Variants in MTMR7 observed in about 807,000 individuals in gnomAD.
MTMR7 encodes phosphatidylinositol-3-phosphate phosphatase MTMR7.
MTMR7 carries 76 observed loss-of-function variants against 81.2 expected under a neutral mutation model. The observed-to-expected ratio is 0.94, with a 90% CI of 0.78 to 1.13. MTMR7 has a LOEUF of 1.13. Among genes scored for constraint, MTMR7 ranks in the 50% most tolerant of loss-of-function variants. The pLI is 0.00. For synonymous variants in MTMR7, 372 were observed against 289.8 expected (o/e 1.28, Z -2.88); for missense variants, 1,044 against 820.0 (o/e 1.27, Z -3.34).
chr8:17,354,057 C>G (rs1189426863), intron 4 of MTMR7, among the ~76,000 whole-genome samples: 1 of 152,196 alleles, frequency 6.6e-6, no homozygotes, highest in Non-Finnish European at 1.5e-5. Context: ...TACTAGCCAT[C>G]TAAGATGCAA....
intron 11 of MTMR7, 96 bp downstream of exon 11, chr8:17,305,661 G>A: frequency 1.8e-6 from 2 of 1,101,496 alleles, no homozygotes; most frequent in Non-Finnish European, 2.6e-6. Flanking sequence ...GTGACTAAAT[G>A]AAAAAAGTCT....
chr8:17,310,710 C>T (rs984945623), intron 9 of MTMR7, among the ~76,000 whole-genome samples: 1 of 152,194 alleles, frequency 6.6e-6, no homozygotes, highest in African/African-American at 2.4e-5. Context: ...CCTCTTCGCT[C>T]TTGTCCGAGG....
intron 1 of MTMR7, among the ~76,000 whole-genome samples, chr8:17,399,165 T>C (rs960191863): frequency 6.6e-6 from 1 of 151,832 alleles, no homozygotes. Context: ...ATAAAGAGCA[T>C]CCAAACTGGA....
At chr8:17,410,167 T>C (rs567482687) in intron 1 of MTMR7, among the ~76,000 whole-genome samples, 1 of 152,076 alleles carries the variant, frequency 6.6e-6, no homozygotes, top group Non-Finnish European at 1.5e-5. Flanking sequence ...AGGAGACCAG[T>C]CAGGGTCAGA....
At chr8:17,409,192 C>T (rs1448756939) in intron 1 of MTMR7, among the ~76,000 whole-genome samples, 3 of 152,128 alleles carry the variant, frequency 2.0e-5, no homozygotes, top group African/African-American at 7.2e-5. Flanking sequence ...GGCACAGTGG[C>T]TCAAACCTGC....
At chr8:17,304,144 A>T (rs2150467128) in intron 12 of MTMR7, among the ~76,000 whole-genome samples, 1 of 152,306 alleles carries the variant, frequency 6.6e-6, no homozygotes, top group South Asian at 2.1e-4. Flanking sequence ...TTTTTATGAT[A>T]TCATTATTAT....
At position 17,401,767 on chromosome 8, in the gene MTMR7, T is replaced by C. The variant is rs142925101; in HGVS notation, c.24+11502A>G. ...GCACTGGAAGGGTGAAATGCCAAGA[T>C]TGGAAAGAGCACAAGAGGAGAAAAT... On this transcript the variant is annotated intron_variant, in intron 1 of 13. Coordinates refer to ENST00000180173, the MANE Select transcript of MTMR7 (RefSeq NM_004686.5). Among the ~76,000 whole-genome samples the C allele has an allele frequency of 8.4e-3, 1,273 of 152,118 alleles. 14 individuals carry two copies. The highest frequency in any genetic ancestry group is 0.03 in the African/African-American group (1,233 of 41,494).
chr8:17,356,960 T>C (rs1430280787), intron 4 of MTMR7, among the ~76,000 whole-genome samples: 4 of 152,028 alleles, frequency 2.6e-5, no homozygotes, highest in African/African-American at 9.7e-5. Context: ...ATCTATATAC[T>C]CTCTAGCTCA....
At chr8:17,314,182 A>C (rs1313465091) in intron 7 of MTMR7, among the ~76,000 whole-genome samples, 1 of 152,202 alleles carries the variant, frequency 6.6e-6, no homozygotes, top group East Asian at 1.9e-4. Flanking sequence ...AGTACATATC[A>C]CAAATACGGC....
chr8:17,370,966 C>A, intron 3 of MTMR7, 71 bp downstream of exon 3: 1 of 1,500,536 alleles, frequency 6.7e-7, no homozygotes, highest in Non-Finnish European at 9.1e-7. Flanking sequence ...AAGCACCATA[C>A]AAATTCTTGA....
Position 17,298,898 on chromosome 8 carries a change from C to T in MTMR7, c.*964G>A, listed in dbSNP as rs1678793357. ...TTAATTAAACCATATTAGCCAGTTA[C>T]ATAATTTCTAAAATGATAGATTACA... On this transcript the variant is annotated 3_prime_UTR_variant, in exon 14 of 14. Transcript: ENST00000180173. 6.6e-6 allele frequency: 1 copy of T among 152,194 alleles called. No individual in the cohort carries two copies. The allele number at this position is 152,194 out of a possible 1,614,324, so 9.4% of individuals were successfully genotyped here.
intron 10 of MTMR7, among the ~76,000 whole-genome samples, chr8:17,308,756 G>A (rs1282164585): frequency 6.6e-6 from 1 of 152,122 alleles, no homozygotes; most frequent in Non-Finnish European, 1.5e-5. Flanking sequence ...AGGTCAGACA[G>A]CCCAGACGTC....
intron 1 of MTMR7, among the ~76,000 whole-genome samples, chr8:17,377,106 T>C (rs1257077101): frequency 1.3e-5 from 2 of 151,940 alleles, no homozygotes; most frequent in Admixed American, 6.5e-5. Flanking sequence ...CCCTAGCCTA[T>C]TCATGCTGCT....
intron 9 of MTMR7, among the ~76,000 whole-genome samples, chr8:17,310,271 G>A (rs1191450047): frequency 1.3e-5 from 2 of 152,066 alleles, no homozygotes; most frequent in African/African-American, 4.8e-5. Context: ...AAAATGCTGG[G>A]ATTACAGGTG....
chr8:17,306,009 C>A, intron 10 of MTMR7, 52 bp from the exon 11 acceptor site: 2 of 1,464,004 alleles, frequency 1.4e-6, no homozygotes, highest in Non-Finnish European at 1.9e-6. Flanking sequence ...TTTTAAAGTA[C>A]AAAGCCATAA....
intron 13 of MTMR7, chr8:17,301,874 C>A (rs1420059852): frequency 7.2e-6 from 3 of 417,706 alleles, no homozygotes; most frequent in Non-Finnish European, 1.3e-5. Context: ...ATTAATTTTA[C>A]TACTCTCAAA....
chr8:17,396,764 T>C (rs1821265929), intron 1 of MTMR7, among the ~76,000 whole-genome samples: 1 of 151,894 alleles, frequency 6.6e-6, no homozygotes. Flanking sequence ...AAGGGAATGC[T>C]TGTGCCACCC....
At chr8:17,348,833 C>T in intron 5 of MTMR7, 120 bp downstream of exon 5, 1 of 1,215,544 alleles carries the variant, frequency 8.2e-7, no homozygotes. Context: ...CAGGAATATC[C>T]ACATACCTTC....
intron 13 of MTMR7, 135 bp from the exon 14 acceptor site, chr8:17,300,359 C>G (rs1341078270): frequency 5.2e-6 from 5 of 960,552 alleles, no homozygotes; most frequent in Non-Finnish European, 7.5e-6. Flanking sequence ...GATGTGAGTT[C>G]AAACCTGGAC....
Sources: gnomAD v4.1 joint callset for allele counts (sites outside exome capture counted in the v4.1 genomes callset) on GRCh38, gnomAD v4.1.1 for gene constraint, MANE v1.5 for transcripts, NCBI Gene and HGNC (gene_info 2026-07-23, HGNC 2026-07-21) for gene names.